The following VPS13B variants were observed in gnomAD, a reference collection of about 807,000 sequenced individuals.
VPS13B encodes the protein vacuolar protein sorting 13 homolog B.
VPS13B carries 285 observed loss-of-function variants against 426.4 expected under a neutral mutation model. The ratio of observed to expected loss-of-function variants is 0.67; its 90% CI spans 0.61 to 0.74. The LOEUF is 0.74. Among genes scored for constraint, VPS13B ranks in the 30% least tolerant of loss-of-function variants. VPS13B has a pLI of 0.00. For missense variants in VPS13B, 4,537 were observed against 4,782.6 expected, an observed-to-expected ratio of 0.95 and a Z score of 1.51; for synonymous variants, 1,676 against 1,676.4, an observed-to-expected ratio of 1.00 and a Z score of 0.01.
At chr8:99,437,963 C>CT (rs948331130) in intron 22 of VPS13B, among the ~76,000 whole-genome samples, 17 of 147,944 alleles carry the variant, frequency 1.1e-4, no homozygotes, top group African/African-American at 2.2e-4. Flanking sequence ...CCAGACTTAG[C>CT]TTTTTTTTTG....
intron 17 of VPS13B, among the ~76,000 whole-genome samples, chr8:99,248,768 GT>G (rs1817353473): frequency 6.6e-6 from 1 of 152,052 alleles, no homozygotes. Context: ...GAACCAGATG[GT>G]TTTCTTTCTA....
rs185688425 is a variant in VPS13B, at chr8:99,524,353, G to A, written c.4745+3343G>A. ...AATAGCAAAGAACTTCTTAAACCTA[G>A]AGAAAGATATCAATTCAAGTACAAG... On this transcript the variant is annotated intron_variant, in intron 30 of 61. Coordinates refer to ENST00000357162, the MANE Select transcript of VPS13B (RefSeq NM_152564.5). 8.7e-4 allele frequency among the ~76,000 whole-genome samples: 132 copies of A among 152,214 alleles called. 2 individuals carry two copies. Among genetic ancestry groups the A allele is most frequent in the Non-Finnish European group, 1.0e-3 (68 of 67,972 alleles).
chr8:99,404,959 G>A (rs577281764), intron 21 of VPS13B, among the ~76,000 whole-genome samples: 36 of 152,314 alleles, frequency 2.4e-4, no homozygotes, highest in African/African-American at 8.2e-4. Flanking sequence ...GAAAGCTGTA[G>A]ACTTCAAGCA....
intron 17 of VPS13B, among the ~76,000 whole-genome samples, chr8:99,266,642 A>C (rs1279558322): frequency 6.6e-6 from 1 of 152,024 alleles, no homozygotes; most frequent in South Asian, 2.1e-4. Context: ...TTCTTGTGGT[A>C]GTGAGTTCTA....
intron 25 of VPS13B, among the ~76,000 whole-genome samples, chr8:99,489,794 A>C (rs529532570): frequency 6.6e-6 from 1 of 152,242 alleles, no homozygotes; most frequent in Non-Finnish European, 1.5e-5. Context: ...CAGCTTAAGG[A>C]GATTTGGGGC....
intron 35 of VPS13B, among the ~76,000 whole-genome samples, chr8:99,693,257 G>C (rs1057170466): frequency 2.7e-5 from 4 of 150,282 alleles, no homozygotes; most frequent in Non-Finnish European, 6.0e-5. Context: ...GAGAATTTTA[G>C]ACCAATATCC....
At chr8:99,263,829 G>C (rs979171003) in intron 17 of VPS13B, among the ~76,000 whole-genome samples, 2 of 151,964 alleles carry the variant, frequency 1.3e-5, no homozygotes, top group South Asian at 2.1e-4. Context: ...GAACATCTTT[G>C]GGGGGGACCA....
chr8:99,563,363 G>C (rs1308612536), intron 31 of VPS13B, among the ~76,000 whole-genome samples: 1 of 152,172 alleles, frequency 6.6e-6, no homozygotes, highest in Non-Finnish European at 1.5e-5. Flanking sequence ...TGCTATGATA[G>C]ACAAATACAG....
intron 25 of VPS13B, among the ~76,000 whole-genome samples, chr8:99,493,316 G>C (rs1820715806): frequency 6.6e-6 from 1 of 152,118 alleles, no homozygotes; most frequent in South Asian, 2.1e-4. Context: ...GAGTTAGCAA[G>C]TGTTCCCTCT....
intron 5 of VPS13B, among the ~76,000 whole-genome samples, chr8:99,109,250 T>C (rs757815488): frequency 3.9e-5 from 6 of 152,128 alleles, no homozygotes; most frequent in Non-Finnish European, 8.8e-5. Flanking sequence ...TTTTCTAAGT[T>C]TTTGAAATAT....
intron 35 of VPS13B, among the ~76,000 whole-genome samples, chr8:99,690,043 G>A (rs1009139268): frequency 1.3e-5 from 2 of 151,012 alleles, no homozygotes; most frequent in Non-Finnish European, 3.0e-5. Flanking sequence ...TTTTTTTATT[G>A]TTGTTAAAGG....
chr8:99,136,596 C>T, intron 11 of VPS13B, 69 bp from the exon 12 acceptor site: 1 of 1,459,014 alleles, frequency 6.9e-7, no homozygotes, highest in Non-Finnish European at 9.6e-7. Flanking sequence ...TGTGTCTAAC[C>T]TATCAAGCTT....
chr8:99,742,186 A>G lies in VPS13B; in HGVS notation c.7050+21139A>G, dbSNP rs187858309. ...GAAATACAAACTACCATCAGAGAATACTATAAACACCTCTACGCAAATAAA... is the reference window on the plus strand; with the variant it reads ...GAAATACAAACTACCATCAGAGAATGCTATAAACACCTCTACGCAAATAAA... On this transcript the variant is annotated intron_variant, in intron 39 of 61. Coordinates refer to ENST00000357162, the MANE Select transcript of VPS13B (RefSeq NM_152564.5). Among the ~76,000 whole-genome samples, 966 of 152,362 alleles carry G rather than the reference A, an allele frequency of 6.3e-3. 8 individuals are homozygous for G. The highest frequency in any genetic ancestry group is 0.022 in the African/African-American group (905 of 41,580).
chr8:99,453,693 A>G (rs1818311587), intron 23 of VPS13B, among the ~76,000 whole-genome samples: 1 of 152,124 alleles, frequency 6.6e-6, no homozygotes, highest in Non-Finnish European at 1.5e-5. Context: ...CAGCCCTAAT[A>G]TGCTGTCATA....
Position 99,721,008 on chromosome 8 carries a change from T to C in VPS13B, c.7011T>C (p.Asp2337=), listed in dbSNP as rs965825601. The change falls in exon 39 of 62, where the codon GAT becomes GAC. Residue 2337 remains aspartate, a synonymous_variant. Coordinates refer to ENST00000357162, the MANE Select transcript of VPS13B (RefSeq NM_152564.5). Reference sequence around the variant, plus strand: ...CTGTACCTTTTAACACCACAGAGGATCCAGATATTAGCACAGCAGACCTTG... The same window carrying C: ...CTGTACCTTTTAACACCACAGAGGACCCAGATATTAGCACAGCAGACCTTG... ...ITPVPFNTTE[D]PDISTADLGD... 1.2e-6 allele frequency: 2 copies of C among 1,614,000 alleles called. No homozygotes were observed. Among genetic ancestry groups the C allele is most frequent in the Admixed American group, 1.7e-5 (1 of 60,010 alleles).
In VPS13B at chr8:99,042,655, T is replaced by C. The variant is rs1017228910; in HGVS notation, c.291+4089T>C. Among the ~76,000 whole-genome samples the C allele has an allele frequency of 1.4e-4, 21 of 152,304 alleles. No homozygotes were observed. The East Asian group carries it at 3.5e-3, about 25-fold the overall frequency. On this transcript the variant is annotated intron_variant, in intron 3 of 61. Coordinates refer to ENST00000357162, the MANE Select transcript of VPS13B (RefSeq NM_152564.5). The stretch of plus-strand genomic sequence containing the variant: ...ATACCAGTAAGCCACTTTTTGTTTG[T>C]TTTGTTTCTGTTTTTGATACTGCGT...
chr8:99,794,633 C>T (rs1004442614), intron 43 of VPS13B, among the ~76,000 whole-genome samples: 13 of 152,200 alleles, frequency 8.5e-5, no homozygotes, highest in African/African-American at 2.9e-4. Flanking sequence ...AGCCTGCTTT[C>T]TGCTGGTAGA....
At chr8:99,482,629 C>G (rs2133558661) in intron 25 of VPS13B, among the ~76,000 whole-genome samples, 1 of 152,224 alleles carries the variant, frequency 6.6e-6, no homozygotes, top group Non-Finnish European at 1.5e-5. Flanking sequence ...AAACTAGTGA[C>G]AAACTCTTGG....
At chr8:99,171,682 G>A (rs1648925428) in intron 16 of VPS13B, among the ~76,000 whole-genome samples, 1 of 151,724 alleles carries the variant, frequency 6.6e-6, no homozygotes, top group Non-Finnish European at 1.5e-5. Context: ...GATGTGTTTT[G>A]CTTTTTTGTA....
Sources: gnomAD v4.1 joint callset for allele counts (sites outside exome capture counted in the v4.1 genomes callset) on GRCh38, gnomAD v4.1.1 for gene constraint, MANE v1.5 for transcripts, NCBI Gene and HGNC (gene_info 2026-07-23, HGNC 2026-07-21) for gene names.